ARRDC5: variants seen among roughly 807,000 people sequenced by gnomAD.
ARRDC5 encodes arrestin domain-containing protein 5.
ARRDC5 carries 12 observed loss-of-function variants against 13.3 expected under a neutral mutation model. The ratio of observed to expected loss-of-function variants is 0.90; its 90% CI spans 0.58 to 1.46. ARRDC5 has a LOEUF of 1.46. Ranked by LOEUF, ARRDC5 falls within the 40% of genes most tolerant of loss-of-function variation. ARRDC5 has a pLI of 0.00. For synonymous variants in ARRDC5, 181 were observed against 173.4 expected (o/e 1.04, Z -0.34); for missense variants, 406 against 418.7 (o/e 0.97, Z 0.26).
chr19:4,909,316 C>T, the ARRDC5 span: 193 of 556,424 alleles, frequency 3.5e-4, 1 homozygote, highest in East Asian at 1.0e-3. Flanking sequence ...CAGCAGAGCG[C>T]GCAGGGCTGG....
At chr19:4,916,018 T>C in the ARRDC5 span, among the ~76,000 whole-genome samples, 2 of 152,080 alleles carry the variant, frequency 1.3e-5, no homozygotes, top group South Asian at 4.2e-4. Flanking sequence ...GTTAGTGTGT[T>C]AGAAGTTGAG....
At chr19:4,910,506 T>G in the ARRDC5 span, 1 of 173,540 alleles carries the variant, frequency 5.8e-6, no homozygotes, top group Admixed American at 6.3e-5. Flanking sequence ...TAAATAGGAA[T>G]CCGAGGAATG....
At chr19:4,896,149 T>C (rs2031700942) in intron 2 of ARRDC5, among the ~76,000 whole-genome samples, 2 of 151,770 alleles carry the variant, frequency 1.3e-5, no homozygotes, top group South Asian at 4.2e-4. Flanking sequence ...ACCCTGTCTC[T>C]ACTAAAAATA....
In ARRDC5 at chr19:4,900,468, G is replaced by A. The variant is rs80349588; in HGVS notation, c.253+2105C>T. On this transcript the variant is annotated intron_variant, in intron 1 of 2. Coordinates refer to ENST00000650722, the MANE Select transcript of ARRDC5 (RefSeq NM_001080523.3). ...CTGTATACCTGGCATTATTCTAAGC[G>A]CTTTATGTGCCATTAAATCATTAAG... Among the ~76,000 whole-genome samples the A allele has an allele frequency of 1.2e-4, 19 of 152,166 alleles. No homozygotes were observed. In the East Asian group the frequency reaches 1.4e-3, roughly 11 times the overall value.
At chr19:4,914,629 A>C in the ARRDC5 span, among the ~76,000 whole-genome samples, 21 of 149,524 alleles carry the variant, frequency 1.4e-4, no homozygotes, top group African/African-American at 5.2e-4. Flanking sequence ...GCAACGGGAG[A>C]GGCATCTGCG....
upstream of ARRDC5, among the ~76,000 whole-genome samples, chr19:4,907,552 G>A (rs1222805786): frequency 6.6e-6 from 1 of 152,006 alleles, no homozygotes; most frequent in African/African-American, 2.4e-5. Context: ...TTACACGTGT[G>A]AGCCACCACG....
At chr19:4,911,606 G>C in the ARRDC5 span, among the ~76,000 whole-genome samples, 1 of 152,160 alleles carries the variant, frequency 6.6e-6, no homozygotes, top group Admixed American at 6.6e-5. Flanking sequence ...GGGGCGTGTG[G>C]TCCCCGAGGG....
At chr19:4,909,625 G>T in the ARRDC5 span, 1 of 612,526 alleles carries the variant, frequency 1.6e-6, no homozygotes, top group South Asian at 1.8e-5. Flanking sequence ...CACGCGCGCA[G>T]GCAGACAAGC....
the ARRDC5 span, among the ~76,000 whole-genome samples, chr19:4,915,229 T>G: frequency 2.6e-5 from 4 of 152,166 alleles, no homozygotes; most frequent in Admixed American, 1.3e-4. Flanking sequence ...AGACCTGCCC[T>G]TCTGTCTGCG....
chr19:4,909,877 T>A, the ARRDC5 span: 1 of 370,532 alleles, frequency 2.7e-6, no homozygotes, highest in Non-Finnish European at 4.8e-6. Flanking sequence ...CGGCGGGGGG[T>A]CGAGCGCGCC....
At chr19:4,893,201 T>C (rs2031575747) in intron 2 of ARRDC5, among the ~76,000 whole-genome samples, 1 of 140,000 alleles carries the variant, frequency 7.1e-6, no homozygotes, top group Non-Finnish European at 1.5e-5. Context: ...ATATAACATA[T>C]TATATATATA....
chr19:4,916,305 C>CA, the ARRDC5 span, among the ~76,000 whole-genome samples: 30,694 of 124,152 alleles, frequency 0.25, 3,398 homozygotes, highest in African/African-American at 0.33. Context: ...GACTTTGTCT[C>CA]AAAAAAAAAA....
chr19:4,909,943 C>T, the ARRDC5 span, among the ~76,000 whole-genome samples: 1 of 150,824 alleles, frequency 6.6e-6, no homozygotes, highest in Admixed American at 6.6e-5. Flanking sequence ...CGCGCCTGCG[C>T]GCGGGGCGCC....
In ARRDC5 at chr19:4,896,738, A is replaced by G. The variant is rs1004981668; in HGVS notation, c.392T>C (p.Leu131Ser). 6.2e-7 allele frequency: 1 copy of G among 1,613,816 alleles called. No individual in the cohort carries two copies. Among genetic ancestry groups the G allele is most frequent in the African/African-American group, 1.3e-5 (1 of 75,022 alleles). The change falls in exon 2 of 3, where the codon TTA becomes TCA. Residue 131 changes from leucine (L) to serine (S), a missense_variant. By Grantham distance (145) the Leu-to-Ser change is moderately radical (BLOSUM62 -2). Coordinates refer to ENST00000650722, the MANE Select transcript of ARRDC5 (RefSeq NM_001080523.3). Reference sequence around the variant, plus strand: ...CAATAAGTACATCCTCTTCTTGGCTAAAATGTGTTCCCTGCCCATGCAGGA... The same window carrying G: ...CAATAAGTACATCCTCTTCTTGGCTGAAATGTGTTCCCTGCCCATGCAGGA... ...QASCMGREHI[L>S]AKKRMYLLVQ...
the ARRDC5 span, among the ~76,000 whole-genome samples, chr19:4,912,626 T>G: frequency 6.6e-6 from 1 of 152,198 alleles, no homozygotes; most frequent in Admixed American, 6.6e-5. Flanking sequence ...TCTTTCTCTC[T>G]GCCCGCCAAT....
In ARRDC5 at chr19:4,890,791, C is replaced by T. The variant is rs2031474060; in HGVS notation, c.*255G>A. On this transcript the variant is annotated 3_prime_UTR_variant, in exon 3 of 3. Transcript: ENST00000650722. ...ACTGTGAGACCCCAGTAGGCTGGGG[C>T]AGACTCAGGGTGGAAAAGGCAGGTT... 1 of 447,658 alleles carries T rather than the reference C, an allele frequency of 2.2e-6. No individual in the cohort carries two copies. The highest frequency in any genetic ancestry group is 4.0e-6 in the Non-Finnish European group (1 of 249,070). 27.7% of individuals were successfully genotyped at this position (447,658 alleles called of 1,614,324 possible).
rs781185003 is a variant in ARRDC5, at chr19:4,902,851, T to A, written c.-26A>T. 1 of 1,613,568 alleles carries A rather than the reference T, an allele frequency of 6.2e-7. No homozygotes were observed. The highest frequency in any genetic ancestry group is 8.5e-7 in the Non-Finnish European group (1 of 1,179,750). On this transcript the variant is annotated 5_prime_UTR_variant, in exon 1 of 3. Coordinates refer to ENST00000650722, the MANE Select transcript of ARRDC5 (RefSeq NM_001080523.3). ...GGGGGGTTGGGGGGTAGAGAGACAT[T>A]CCTCTCTGTCCCCCATGTCCCTGAA...
At chr19:4,898,997 A>G (rs544997390) in intron 1 of ARRDC5, among the ~76,000 whole-genome samples, 11 of 152,072 alleles carry the variant, frequency 7.2e-5, no homozygotes, top group African/African-American at 2.6e-4. Flanking sequence ...TAGGCACTCA[A>G]TAAATGTTTA....
chr19:4,893,299 A>C (rs2031580613), intron 2 of ARRDC5, among the ~76,000 whole-genome samples: 1 of 145,348 alleles, frequency 6.9e-6, no homozygotes, highest in East Asian at 2.0e-4. Context: ...TGAGGTCAGG[A>C]ATTTGAGACC....
Sources: allele counts gnomAD v4.1 joint callset (sites outside exome capture counted in the v4.1 genomes callset), GRCh38; gene constraint gnomAD v4.1.1; transcripts MANE v1.5; gene names NCBI Gene and HGNC (gene_info 2026-07-23, HGNC 2026-07-21).